NDE1: variants seen among roughly 807,000 people sequenced by gnomAD.
NDE1 encodes the protein nuclear distribution protein nudE homolog 1.
Under a neutral mutation model 43.4 loss-of-function variants are expected in NDE1, and 28 were observed. The observed-to-expected ratio is 0.65, with a 90% CI of 0.48 to 0.89. The LOEUF is 0.89. Among genes scored for constraint, NDE1 ranks in the 40% least tolerant of loss-of-function variants. The pLI is 0.00. For synonymous variants in NDE1, 184 were observed against 172.0 expected, an observed-to-expected ratio of 1.07 and a Z score of -0.55; for missense variants, 441 against 434.1, an observed-to-expected ratio of 1.02 and a Z score of -0.14.
In NDE1 at chr16:15,725,134, TAAAAAA is replaced by T. The variant is rs60544332; in HGVS notation, c.*893_*898del. 1 of 540,920 alleles carries T rather than the reference TAAAAAA, an allele frequency of 1.8e-6. No homozygotes were observed. Among genetic ancestry groups the T allele is most frequent in the Non-Finnish European group, 3.3e-6 (1 of 307,612 alleles). 33.5% of individuals were successfully genotyped at this position (540,920 alleles called of 1,614,324 possible). Reference sequence around the variant, plus strand: ...ATACCCGTGAGGTATGGGACTCTGATAAAAAAAAAAAAAAACACACACACACACAAA... The same window carrying T: ...ATACCCGTGAGGTATGGGACTCTGATAAAAAAAAACACACACACACACAAA... On this transcript the variant is annotated 3_prime_UTR_variant, in exon 9 of 9. Coordinates refer to ENST00000396354, the MANE Select transcript of NDE1 (RefSeq NM_017668.3).
intron 8 of NDE1, among the ~76,000 whole-genome samples, chr16:15,723,764 G>T (rs2040603320): frequency 6.6e-6 from 1 of 152,212 alleles, no homozygotes; most frequent in African/African-American, 2.4e-5. Context: ...GAATTTTACA[G>T]AATGAAATCT....
intron 3 of NDE1, among the ~76,000 whole-genome samples, chr16:15,668,711 T>C (rs891344134): frequency 6.6e-6 from 1 of 152,202 alleles, no homozygotes; most frequent in African/African-American, 2.4e-5. Flanking sequence ...TTCAAGTGCT[T>C]AGGAGCCACG....
chr16:15,703,769 G>A (rs2039306939), intron 8 of NDE1: 1 of 610,470 alleles, frequency 1.6e-6, no homozygotes, highest in Non-Finnish European at 2.9e-6. Context: ...TTAAATTCTT[G>A]TATAGATGAG....
chr16:15,665,812 A>C (rs2037272747), intron 2 of NDE1, among the ~76,000 whole-genome samples: 1 of 149,392 alleles, frequency 6.7e-6, no homozygotes, highest in Non-Finnish European at 1.5e-5. Flanking sequence ...GCTGTAGTGC[A>C]ATGGCATGAT....
At chr16:15,711,534 G>A (rs559346272) in intron 8 of NDE1, among the ~76,000 whole-genome samples, 117 of 152,250 alleles carry the variant, frequency 7.7e-4, no homozygotes, top group South Asian at 1.9e-3. Context: ...TTTATTTGCC[G>A]TTATATTCAT....
chr16:15,665,859 C>A (rs572002370), intron 2 of NDE1, among the ~76,000 whole-genome samples: 5 of 151,682 alleles, frequency 3.3e-5, no homozygotes, highest in East Asian at 3.9e-4. Flanking sequence ...TGGGTTCAAT[C>A]GATTCTCTTG....
chr16:15,679,432 G>A (rs938407062), intron 4 of NDE1, among the ~76,000 whole-genome samples: 2 of 151,788 alleles, frequency 1.3e-5, no homozygotes, highest in African/African-American at 2.4e-5. Context: ...TTATTTTTTT[G>A]TCTTTGTTCT....
At chr16:15,656,033 GAC>G (rs1323562226) in intron 1 of NDE1, among the ~76,000 whole-genome samples, 3 of 150,616 alleles carry the variant, frequency 2.0e-5, no homozygotes, top group African/African-American at 4.9e-5. Context: ...AATGCTAGAT[GAC>G]GAGTTAGTGG....
At chr16:15,719,232 C>G in intron 8 of NDE1, 1 of 1,613,756 alleles carries the variant, frequency 6.2e-7, no homozygotes, top group Non-Finnish European at 8.5e-7. Flanking sequence ...TCCCGACAGG[C>G]TACTGGCCAG....
chr16:15,667,635 T>TG (rs1181749006), intron 3 of NDE1, among the ~76,000 whole-genome samples, 196 bp downstream of exon 3: 4 of 139,886 alleles, frequency 2.9e-5, no homozygotes, highest in South Asian at 2.3e-4. Context: ...TTGTTTTGTT[T>TG]TTTTTTTTTT....
At position 15,725,278 on chromosome 16, in the gene NDE1, C is replaced by A; in HGVS notation, c.*1027C>A. 1.7e-6 allele frequency: 1 copy of A among 584,282 alleles called. No individual in the cohort carries two copies. The highest frequency in any genetic ancestry group is 1.9e-5 in the African/African-American group (1 of 53,648). 36.2% of individuals were successfully genotyped at this position (584,282 alleles called of 1,614,324 possible). A position where few individuals can be genotyped will look rare whatever the true frequency, so the allele number is the denominator to read the frequency against. ...GAGCCCCAATGGTATTGACTGGGACCTGATCCCACTAAATGGATCCTAGAT... is the reference window on the plus strand; with the variant it reads ...GAGCCCCAATGGTATTGACTGGGACATGATCCCACTAAATGGATCCTAGAT... On this transcript the variant is annotated 3_prime_UTR_variant, in exon 9 of 9. Coordinates refer to ENST00000396354, the MANE Select transcript of NDE1 (RefSeq NM_017668.3).
chr16:15,675,383 A>G (rs1379827612), intron 3 of NDE1, among the ~76,000 whole-genome samples: 1 of 149,182 alleles, frequency 6.7e-6, no homozygotes, highest in East Asian at 2.0e-4. Context: ...TATTTTTAGT[A>G]GATACGGGGT....
At chr16:15,645,965 A>G (rs1450352006), upstream of NDE1, among the ~76,000 whole-genome samples, 1 of 152,234 alleles carries the variant, frequency 6.6e-6, no homozygotes, top group Non-Finnish European at 1.5e-5. Context: ...GCTCAGCCAT[A>G]GTCCAAAGCT....
At position 15,719,711 on chromosome 16, in the gene NDE1, A is replaced by T. The variant is rs1357239474; in HGVS notation, c.948-4480A>T. 2 of 1,613,994 alleles carry T rather than the reference A, an allele frequency of 1.2e-6. No homozygotes were observed. Among genetic ancestry groups the T allele is most frequent in the Non-Finnish European group, 1.7e-6 (2 of 1,180,026 alleles). On this transcript the variant is annotated intron_variant, in intron 8 of 8. Transcript: ENST00000396354. ...GCTCTCTTTGAAAGTCCTTCATCTG[A>T]GCCTGCATGAGTCAACAGGGAGGAC...
chr16:15,653,145 T>C (rs1162645648), intron 1 of NDE1, among the ~76,000 whole-genome samples: 1 of 152,170 alleles, frequency 6.6e-6, no homozygotes, highest in East Asian at 1.9e-4. Flanking sequence ...TGGGCACCCA[T>C]TTTTAACATA....
chr16:15,685,562 T>A (rs1404007150), intron 4 of NDE1, among the ~76,000 whole-genome samples: 2 of 152,134 alleles, frequency 1.3e-5, no homozygotes, highest in Non-Finnish European at 2.9e-5. Flanking sequence ...TTTGTTGTTT[T>A]TAATCGGTAC....
In NDE1 at chr16:15,688,689, C is replaced by CTTTTTTTTTTTTTTTTTTTTTTT. The variant is rs1194565114; in HGVS notation, c.523+1183_523+1205dup. Among the ~76,000 whole-genome samples, 8 of 59,996 alleles carry CTTTTTTTTTTTTTTTTTTTTTTT rather than the reference C, an allele frequency of 1.3e-4. 1 individual carries two copies. Among genetic ancestry groups the CTTTTTTTTTTTTTTTTTTTTTTT allele is most frequent in the African/African-American group, 2.0e-4 (3 of 14,738 alleles). The allele number at this position is 59,996 out of a possible 152,430, so 39.4% of individuals were successfully genotyped here. On this transcript the variant is annotated intron_variant, in intron 5 of 8. Transcript: ENST00000396354. ...AGTGGATTGTCCAAGTTGTTTTTAC[C>CTTTTTTTTTTTTTTTTTTTTTTT]TTTTTTTTTTTTTTTTTTTTTTTTT...
chr16:15,669,991 C>T (rs373450098), intron 3 of NDE1, among the ~76,000 whole-genome samples: 5 of 152,172 alleles, frequency 3.3e-5, no homozygotes, highest in South Asian at 2.1e-4. Flanking sequence ...AAGTCAACAC[C>T]GTGCCCCAGA....
intron 1 of NDE1, among the ~76,000 whole-genome samples, chr16:15,644,257 C>T (rs71376077): frequency 1.3e-5 from 2 of 152,092 alleles, no homozygotes; most frequent in Admixed American, 6.5e-5. Flanking sequence ...AATTGCCAAA[C>T]GAGAATATTT....
Sources: allele counts gnomAD v4.1 joint callset (sites outside exome capture counted in the v4.1 genomes callset), GRCh38; gene constraint gnomAD v4.1.1; transcripts MANE v1.5; gene names NCBI Gene and HGNC (gene_info 2026-07-23, HGNC 2026-07-21).